Variants in ATP11A observed in about 807,000 individuals in gnomAD.
The protein encoded by ATP11A is phospholipid-transporting ATPase IH.
A neutral mutation model predicts 154.4 loss-of-function variants in ATP11A; 81 were observed. The observed-to-expected ratio is 0.52, with a 90% CI of 0.44 to 0.63. ATP11A has a LOEUF of 0.63. Ranked by LOEUF, ATP11A falls within the 30% of genes least tolerant of loss-of-function variation. The probability of loss-of-function intolerance (pLI) is 0.00; values close to 1 mark genes in which losing one functional copy is unlikely to be tolerated. For missense variants in ATP11A, 1,316 were observed against 1,474.3 expected, an observed-to-expected ratio of 0.89 and a Z score of 1.76; for synonymous variants, 623 against 585.9, an observed-to-expected ratio of 1.06 and a Z score of -0.91.
intron 1 of ATP11A, among the ~76,000 whole-genome samples, chr13:112,765,445 C>T (rs927728224): frequency 6.6e-6 from 1 of 152,254 alleles, no homozygotes; most frequent in African/African-American, 2.4e-5. Flanking sequence ...CTCACTCCAT[C>T]TGATTCGGCC....
intron 1 of ATP11A, among the ~76,000 whole-genome samples, chr13:112,724,510 G>A (rs1437797219): frequency 3.3e-4 from 50 of 152,252 alleles, no homozygotes; most frequent in Non-Finnish European, 1.0e-4. Flanking sequence ...CCAGAACCGT[G>A]TATGTGCGGC....
intron 25 of ATP11A, among the ~76,000 whole-genome samples, chr13:112,865,339 G>T (rs1478550060): frequency 7.3e-6 from 1 of 136,060 alleles, no homozygotes; most frequent in Non-Finnish European, 1.7e-5. Flanking sequence ...TTCCCAGCGG[G>T]GTCCATCACC....
At position 112,806,323 on chromosome 13, in the gene ATP11A, A is replaced by G. The variant is rs150036473; in HGVS notation, c.333+30A>G. 125 of 1,532,148 alleles carry G rather than the reference A, an allele frequency of 8.2e-5. No individual in the cohort carries two copies. The African/African-American group carries it at 1.3e-3, about 16-fold the overall frequency. The allele number at this position is 1,532,148 out of a possible 1,614,324, so 94.9% of individuals were successfully genotyped here. ...GCATTTTACAGACGAAAAAGAAGCAATCGTCATCTTCACCATGTGAATTGC... is the reference window on the plus strand; with the variant it reads ...GCATTTTACAGACGAAAAAGAAGCAGTCGTCATCTTCACCATGTGAATTGC... On this transcript the variant is annotated intron_variant, in intron 4 of 29. Coordinates refer to ENST00000375645, the MANE Select transcript of ATP11A (RefSeq NM_015205.3).
At chr13:112,864,381 C>T (rs7331557) in intron 25 of ATP11A, among the ~76,000 whole-genome samples, 5,908 of 105,064 alleles carry the variant, frequency 0.056, 1,600 homozygotes, top group African/African-American at 0.22. Context: ...TCACCACGTG[C>T]GCCATAATTC....
chr13:112,787,155 C>T (rs1488450037), intron 2 of ATP11A, among the ~76,000 whole-genome samples: 6 of 142,294 alleles, frequency 4.2e-5, no homozygotes, highest in African/African-American at 1.1e-4. Context: ...TAATTCACAC[C>T]GGGTGTCCTG....
In ATP11A at chr13:112,807,298, G is replaced by A. The variant is rs2140146099; in HGVS notation, c.333+1005G>A. 6.6e-6 allele frequency among the ~76,000 whole-genome samples: 1 copy of A among 152,364 alleles called. No individual in the cohort carries two copies. The highest frequency in any genetic ancestry group is 2.1e-4 in the South Asian group (1 of 4,828). On this transcript the variant is annotated intron_variant, in intron 4 of 29. Transcript: ENST00000375645. This position sits in a 1 kb window ranked among gnomAD's most constrained non-coding sequence, Gnocchi z 4.5. Reference sequence around the variant, plus strand: ...TGCAGCTGTGCAGTCAGTACATGGGGCCTGTGTGTCTTCACTAGGCCAGAG... The same window carrying A: ...TGCAGCTGTGCAGTCAGTACATGGGACCTGTGTGTCTTCACTAGGCCAGAG...
At chr13:112,738,748 G>A (rs576806824) in intron 1 of ATP11A, among the ~76,000 whole-genome samples, 138 of 118,610 alleles carry the variant, frequency 1.2e-3, no homozygotes, top group African/African-American at 3.1e-3. Context: ...GGTCCCAGCC[G>A]TCAGCCGTGT....
chr13:112,831,065 G>A (rs149888692), intron 12 of ATP11A, among the ~76,000 whole-genome samples: 7 of 152,210 alleles, frequency 4.6e-5, no homozygotes, highest in South Asian at 2.1e-4. Context: ...TCTCTGTCCC[G>A]GGGAATGGGA....
rs945749097 is a variant in ATP11A, at chr13:112,838,972, G to T, written c.1705+2721G>T. Among the ~76,000 whole-genome samples the T allele has an allele frequency of 6.6e-6, 1 of 152,206 alleles. No homozygotes were observed. Among genetic ancestry groups the T allele is most frequent in the African/African-American group, 2.4e-5 (1 of 41,466 alleles). On this transcript the variant is annotated intron_variant, in intron 16 of 29. Coordinates refer to ENST00000375645, the MANE Select transcript of ATP11A (RefSeq NM_015205.3). The surrounding 1 kb of genome is among the most constrained non-coding windows in gnomAD (Gnocchi z 7.3). ...CCTCCTGGGCTCAGCCCTGTAGGGG[G>T]TTGCGGCTGTCAGAGCCGGATCTCA...
At chr13:112,769,627 G>A (rs2077179521) in intron 1 of ATP11A, among the ~76,000 whole-genome samples, 1 of 152,248 alleles carries the variant, frequency 6.6e-6, no homozygotes, top group Non-Finnish European at 1.5e-5. Flanking sequence ...TTCCAGGTGA[G>A]ATGAGCCTCA....
chr13:112,875,457 C>T lies in ATP11A; in HGVS notation c.3162-319C>T, dbSNP rs1402506203. 1.3e-5 allele frequency among the ~76,000 whole-genome samples: 2 copies of T among 150,718 alleles called. No individual in the cohort carries two copies. Among genetic ancestry groups the T allele is most frequent in the Admixed American group, 6.6e-5 (1 of 15,066 alleles). ...CATCCGAGACTTCAAGATAGAAAAA[C>T]ATCCCTATTTCAATCCCTTTGTGTT... On this transcript the variant is annotated intron_variant, in intron 27 of 29. Transcript: ENST00000375645. This position sits in a 1 kb window ranked among gnomAD's most constrained non-coding sequence, Gnocchi z 4.1.
Position 112,832,963 on chromosome 13 carries a change from AATCCTGTGTGTACATCTC to A in ATP11A, c.1505_1522del (p.Cys502_Ser507del). On this transcript the variant is annotated inframe_deletion, in exon 14 of 30. Coordinates refer to ENST00000375645, the MANE Select transcript of ATP11A (RefSeq NM_015205.3). ...CCCAGGAAATCGCCGGACGGGGGGA[AATCCTGTGTGTACATCTC>A]ATCCTCGCCCGACGAGGTGGCGCTG... is the stretch of plus-strand genomic sequence containing the variant. The A allele has an allele frequency of 6.2e-7, 1 of 1,613,846 alleles. No individual in the cohort carries two copies. Among genetic ancestry groups the A allele is most frequent in the Non-Finnish European group, 8.5e-7 (1 of 1,179,888 alleles).
chr13:112,785,112 TA>T lies in ATP11A; in HGVS notation c.40-21del. 1 of 1,443,476 alleles carries T rather than the reference TA, an allele frequency of 6.9e-7. No homozygotes were observed. 89.4% of individuals were successfully genotyped at this position (1,443,476 alleles called of 1,614,324 possible). On this transcript the variant is annotated intron_variant, in intron 1 of 29. Coordinates refer to ENST00000375645, the MANE Select transcript of ATP11A (RefSeq NM_015205.3). This position sits in a 1 kb window ranked among gnomAD's most constrained non-coding sequence, Gnocchi z 4.8. ...TGATGCAGGTTCTGAGGCAGCTGCCTAACACCGCTCTCCTTTCCGCAGTGTG... is the reference window on the plus strand; with the variant it reads ...TGATGCAGGTTCTGAGGCAGCTGCCTACACCGCTCTCCTTTCCGCAGTGTG...
intron 1 of ATP11A, among the ~76,000 whole-genome samples, chr13:112,736,022 G>T (rs559598773): frequency 1.3e-5 from 2 of 152,240 alleles, no homozygotes; most frequent in East Asian, 1.9e-4. Flanking sequence ...GCAGGTGCAG[G>T]GCCTCCTCCC....
intron 8 of ATP11A, among the ~76,000 whole-genome samples, chr13:112,822,316 C>T (rs933907531): frequency 2.0e-5 from 3 of 152,162 alleles, no homozygotes; most frequent in Non-Finnish European, 2.9e-5. Context: ...ATATAAGCCC[C>T]TGATGGCAGA....
At chr13:112,766,526 C>T (rs2077080655) in intron 1 of ATP11A, among the ~76,000 whole-genome samples, 3 of 152,146 alleles carry the variant, frequency 2.0e-5, no homozygotes, top group Admixed American at 6.5e-5. Context: ...ATCTATACTG[C>T]AGCCTCAGGT....
chr13:112,865,179 T>A (rs866500310), intron 25 of ATP11A, among the ~76,000 whole-genome samples: 5 of 65,438 alleles, frequency 7.6e-5, no homozygotes, highest in Admixed American at 2.0e-4. Flanking sequence ...CCCAGCGGGG[T>A]CCATCACCAC....
At chr13:112,857,534 A>G (rs140040810) in intron 20 of ATP11A, among the ~76,000 whole-genome samples, 1,682 of 152,318 alleles carry the variant, frequency 0.011, 20 homozygotes, top group South Asian at 0.043. Flanking sequence ...GCTACTTCAT[A>G]TATCTCACAT....
chr13:112,786,963 C>T (rs948046286), intron 2 of ATP11A, among the ~76,000 whole-genome samples: 4 of 150,954 alleles, frequency 2.6e-5, no homozygotes, highest in Non-Finnish European at 5.9e-5. Context: ...TTAATTCACA[C>T]CGGGTGTCCT....
Sources: allele counts gnomAD v4.1 joint callset (sites outside exome capture counted in the v4.1 genomes callset), GRCh38; gene constraint gnomAD v4.1.1; non-coding constraint Gnocchi (gnomAD v3.1); transcripts MANE v1.5; gene names NCBI Gene and HGNC (gene_info 2026-07-23, HGNC 2026-07-21).